LSAMP: variants seen among roughly 807,000 people sequenced by gnomAD.
LSAMP encodes limbic system associated membrane protein, also known as limbic system-associated membrane protein.
In LSAMP, 7 loss-of-function variants were observed where a neutral mutation model predicts 38.6. The observed-to-expected ratio is 0.18, with a 90% confidence interval of 0.10 to 0.34. The LOEUF (loss-of-function observed/expected upper bound fraction) is 0.34. Among genes scored for constraint, LSAMP ranks in the 10% least tolerant of loss-of-function variants. LSAMP has a pLI of 1.00. For missense variants in LSAMP, 313 were observed against 420.0 expected (o/e 0.75, Z 2.23); for synonymous variants, 154 against 166.8 (o/e 0.92, Z 0.59).
At chr3:115,896,081 TTTG>T (rs1576194906) in intron 3 of LSAMP, among the ~76,000 whole-genome samples, 1 of 152,138 alleles carries the variant, frequency 6.6e-6, no homozygotes, top group Non-Finnish European at 1.5e-5. Context: ...TGCATCTGCT[TTTG>T]TTGTTTATGT....
intron 1 of LSAMP, among the ~76,000 whole-genome samples, chr3:116,124,562 C>T (rs986464007): frequency 1.3e-5 from 2 of 152,154 alleles, no homozygotes; most frequent in Admixed American, 1.3e-4. Context: ...ATTTTAAAGA[C>T]TGATTGTATC....
intron 3 of LSAMP, among the ~76,000 whole-genome samples, chr3:115,893,023 A>G (rs759285242): frequency 6.6e-6 from 1 of 151,808 alleles, no homozygotes; most frequent in South Asian, 2.1e-4. Flanking sequence ...CAAAACATAA[A>G]AATCTCAGCA....
intron 3 of LSAMP, among the ~76,000 whole-genome samples, chr3:115,974,613 G>A (rs564248450): frequency 6.6e-6 from 1 of 152,282 alleles, no homozygotes; most frequent in South Asian, 2.1e-4. Flanking sequence ...TGAGGTTTTA[G>A]TTAGTGCCCA....
intron 1 of LSAMP, among the ~76,000 whole-genome samples, chr3:116,233,753 A>G (rs1437807840): frequency 6.6e-6 from 1 of 152,188 alleles, no homozygotes; most frequent in African/African-American, 2.4e-5. Flanking sequence ...ATGAAGCAGT[A>G]TAGGAGAAAA....
chr3:116,127,797 A>T (rs533934049), intron 1 of LSAMP, among the ~76,000 whole-genome samples: 2 of 150,342 alleles, frequency 1.3e-5, no homozygotes, highest in African/African-American at 2.4e-5. Flanking sequence ...TGGGAATATT[A>T]AAAAAGGGAC....
At chr3:115,949,513 TC>T (rs55843409) in intron 3 of LSAMP, among the ~76,000 whole-genome samples, 22,985 of 151,806 alleles carry the variant, frequency 0.15, 2,120 homozygotes, top group Admixed American at 0.22. Flanking sequence ...TATACAGCCC[TC>T]CTAGATTAAC....
chr3:116,117,697 T>G (rs1383693577), intron 1 of LSAMP, among the ~76,000 whole-genome samples: 1 of 152,226 alleles, frequency 6.6e-6, no homozygotes, highest in Admixed American at 6.5e-5. Flanking sequence ...TTGTGGCATG[T>G]CTATTTAATG....
intron 1 of LSAMP, among the ~76,000 whole-genome samples, chr3:116,137,461 A>C (rs1214205558): frequency 6.6e-6 from 1 of 152,182 alleles, no homozygotes; most frequent in Non-Finnish European, 1.5e-5. Context: ...AGACTAACCA[A>C]AAGTATCAAT....
intron 3 of LSAMP, among the ~76,000 whole-genome samples, chr3:115,874,591 T>A (rs1417979314): frequency 6.6e-6 from 1 of 152,082 alleles, no homozygotes; most frequent in Non-Finnish European, 1.5e-5. Flanking sequence ...TACAATTAAA[T>A]ATATTATTGA....
intron 3 of LSAMP, among the ~76,000 whole-genome samples, chr3:116,001,609 G>T (rs1006134038): frequency 6.6e-6 from 1 of 152,200 alleles, no homozygotes; most frequent in Admixed American, 6.5e-5. Context: ...TCCTTCTGGT[G>T]GTTTGAGGGG....
At chr3:116,155,746 T>C (rs1056016539) in intron 1 of LSAMP, among the ~76,000 whole-genome samples, 1 of 85,988 alleles carries the variant, frequency 1.2e-5, no homozygotes, top group Middle Eastern at 5.6e-3. Context: ...GAGATTTGCA[T>C]TTTTTTACCT....
rs547937515 is a variant in LSAMP, at chr3:116,221,462, G to A, written c.156-134906C>T. Reference sequence around the variant, plus strand: ...GCTACGCTCTGAACTAGCTAGGGAAGTCATTCAGCCATTCCACTTGTATGA... The same window carrying A: ...GCTACGCTCTGAACTAGCTAGGGAAATCATTCAGCCATTCCACTTGTATGA... On this transcript the variant is annotated intron_variant, in intron 1 of 6. Transcript: ENST00000490035. 7.9e-4 allele frequency among the ~76,000 whole-genome samples: 120 copies of A among 152,250 alleles called. 3 individuals carry two copies. The highest frequency in any genetic ancestry group is 5.6e-3 in the South Asian group (27 of 4,824).
intron 3 of LSAMP, among the ~76,000 whole-genome samples, chr3:115,955,880 T>C (rs898295575): frequency 5.3e-5 from 8 of 152,148 alleles, no homozygotes; most frequent in African/African-American, 1.9e-4. Context: ...ATTTAAACAT[T>C]TGGGCAGATG....
intron 1 of LSAMP, among the ~76,000 whole-genome samples, chr3:116,256,541 T>C (rs1266907125): frequency 6.6e-6 from 1 of 152,178 alleles, no homozygotes; most frequent in African/African-American, 2.4e-5. Context: ...ATGATATAAT[T>C]AATATATAAC....
At chr3:116,422,503 C>T (rs565080390) in intron 1 of LSAMP, among the ~76,000 whole-genome samples, 3 of 152,228 alleles carry the variant, frequency 2.0e-5, no homozygotes, top group East Asian at 1.9e-4. Flanking sequence ...TATCAAAGGA[C>T]GTTCTGGAAC....
intron 3 of LSAMP, among the ~76,000 whole-genome samples, chr3:115,948,333 T>G (rs547639615): frequency 5.9e-4 from 90 of 152,294 alleles, no homozygotes; most frequent in African/African-American, 2.1e-3. Context: ...TATACATTCT[T>G]TTCATTAGCA....
At chr3:116,416,474 T>G (rs2049052328) in intron 1 of LSAMP, among the ~76,000 whole-genome samples, 1 of 152,108 alleles carries the variant, frequency 6.6e-6, no homozygotes, top group Non-Finnish European at 1.5e-5. Flanking sequence ...AAAAGAACAA[T>G]GGAGTTAGAA....
chr3:116,230,696 T>C (rs942654478), intron 1 of LSAMP, among the ~76,000 whole-genome samples: 4 of 152,160 alleles, frequency 2.6e-5, no homozygotes, highest in Admixed American at 1.3e-4. Context: ...GTTCACCAAT[T>C]GCTGCCTCAG....
intron 1 of LSAMP, among the ~76,000 whole-genome samples, chr3:116,260,084 A>T (rs2046804941): frequency 6.6e-6 from 1 of 152,262 alleles, no homozygotes; most frequent in Non-Finnish European, 1.5e-5. Context: ...CCTCACATAT[A>T]GGGCTAAATC....
Sources: gnomAD v4.1 joint callset for allele counts (sites outside exome capture counted in the v4.1 genomes callset) on GRCh38, gnomAD v4.1.1 for gene constraint, MANE v1.5 for transcripts, NCBI Gene and HGNC (gene_info 2026-07-23, HGNC 2026-07-21) for gene names.